Variants in ZNF208 observed in about 807,000 individuals in gnomAD.
ZNF208 encodes the protein zinc finger protein 208, also known as zinc finger protein 95.
Under a neutral mutation model 12.1 loss-of-function variants are expected in ZNF208, and 10 were observed. The observed-to-expected ratio is 0.83, with a 90% CI of 0.51 to 1.40. The LOEUF is 1.40. Among genes scored for constraint, ZNF208 ranks in the 40% most tolerant of loss-of-function variants. The pLI, the probability that ZNF208 is intolerant of heterozygous loss-of-function variation, is 0.00. For synonymous variants in ZNF208, 497 were observed against 488.4 expected (o/e 1.02, Z -0.23); for missense variants, 1,652 against 1,485.0 (o/e 1.11, Z -1.85).
intron 4 of ZNF208, among the ~76,000 whole-genome samples, chr19:21,960,334 A>AAC (rs1834077438): frequency 6.6e-6 from 1 of 152,152 alleles, no homozygotes; most frequent in Non-Finnish European, 1.5e-5. Context: ...AAAGGTATCT[A>AAC]AGTCATAATT....
At chr19:22,003,220 G>A (rs1409520894) in intron 1 of ZNF208, among the ~76,000 whole-genome samples, 1 of 151,978 alleles carries the variant, frequency 6.6e-6, no homozygotes, top group South Asian at 2.1e-4. Context: ...ATCTTAAAAA[G>A]GATATATTTT....
intron 4 of ZNF208, among the ~76,000 whole-genome samples, chr19:21,950,042 G>T (rs1482492531): frequency 6.6e-6 from 1 of 152,176 alleles, no homozygotes; most frequent in Non-Finnish European, 1.5e-5. Context: ...TTGTAAACAG[G>T]TAGTTGTGTA....
chr19:21,954,139 C>T (rs1471303899), intron 4 of ZNF208, among the ~76,000 whole-genome samples: 2 of 152,124 alleles, frequency 1.3e-5, no homozygotes, highest in African/African-American at 4.8e-5. Context: ...ATGTAGTTAG[C>T]AGTTTTGAGT....
chr19:21,978,260 A>T (rs1479821077), intron 3 of ZNF208, among the ~76,000 whole-genome samples: 3 of 152,144 alleles, frequency 2.0e-5, no homozygotes, highest in Non-Finnish European at 2.9e-5. Context: ...GGTCCCTGAC[A>T]CCCGTGTCTC....
At chr19:21,960,604 A>G (rs1033222720) in intron 4 of ZNF208, among the ~76,000 whole-genome samples, 1 of 152,150 alleles carries the variant, frequency 6.6e-6, no homozygotes, top group Non-Finnish European at 1.5e-5. Context: ...CTGAAGTTTG[A>G]GCGTCACTGG....
intron 1 of ZNF208, among the ~76,000 whole-genome samples, chr19:21,991,031 T>G (rs1970724401): frequency 6.6e-6 from 1 of 152,224 alleles, no homozygotes; most frequent in Non-Finnish European, 1.5e-5. Flanking sequence ...TTTCTAGATA[T>G]ACAATCATGT....
chr19:21,964,127 C>T (rs1286753677), downstream of ZNF208, among the ~76,000 whole-genome samples: 1 of 151,738 alleles, frequency 6.6e-6, no homozygotes, highest in South Asian at 2.1e-4. Flanking sequence ...ATTTACCAAT[C>T]AAAAATACTA....
chr19:21,970,744 T>C lies in ZNF208; in HGVS notation c.*447A>G, dbSNP rs778893069. 39 of 1,328,512 alleles carry C rather than the reference T, an allele frequency of 2.9e-5. No individual in the cohort carries two copies. Among genetic ancestry groups the C allele is most frequent in the East Asian group, 7.1e-5 (3 of 42,508 alleles). The allele number at this position is 1,328,512 out of a possible 1,614,324, so 82.3% of individuals were successfully genotyped here. On this transcript the variant is annotated 3_prime_UTR_variant, in exon 4 of 4. Transcript: ENST00000397126. ...ATGTGTAGGAGGGTTGGGAACTGTT[T>C]AAAAGCTTTGCCAAATTCTTCACAT... is the stretch of plus-strand genomic sequence containing the variant.
Position 21,973,106 on chromosome 19 carries a change from C to A in ZNF208, c.1928G>T (p.Gly643Val). The A allele has an allele frequency of 6.2e-7, 1 of 1,613,330 alleles. No homozygotes were observed. Among genetic ancestry groups the A allele is most frequent in the Non-Finnish European group, 8.5e-7 (1 of 1,179,654 alleles). Residue 643 changes from glycine (G) to valine (V), a missense_variant, in exon 4 of 4, where the codon GGC (glycine) becomes GTC (valine). Transcript: ENST00000397126. ...GGTTGAGACCTTAATAAAGGTTTTG[C>A]CACATTCTTTACATTTGTAGGGCTT... is the stretch of plus-strand genomic sequence containing the variant. ...GEKPYKCKEC[G>V]KTFIKVSTLT...
intron 1 of ZNF208, among the ~76,000 whole-genome samples, chr19:22,006,524 C>T (rs1971046862): frequency 6.6e-6 from 1 of 152,128 alleles, no homozygotes; most frequent in Non-Finnish European, 1.5e-5. Context: ...TCTATCTTAA[C>T]CTTAACTGCA....
chr19:21,940,333 T>G (rs768597833), intron 4 of ZNF208: 1 of 152,168 alleles, frequency 6.6e-6, no homozygotes, highest in Non-Finnish European at 1.5e-5. Context: ...GAATCAAATC[T>G]AAGGTAATAA....
At chr19:21,953,039 T>C (rs1358976046) in intron 4 of ZNF208, among the ~76,000 whole-genome samples, 1 of 152,130 alleles carries the variant, frequency 6.6e-6, no homozygotes, top group Non-Finnish European at 1.5e-5. Flanking sequence ...CAATAGCCAA[T>C]TCAGTTAAGC....
At position 21,972,852 on chromosome 19, in the gene ZNF208, T is replaced by G; in HGVS notation, c.2182A>C (p.Lys728Gln). ...EKPYKCEECG[K>Q]SFSTFSVLTK... is the part of the protein sequence containing the mutation. ...AGGACTGAGAATGTACTAAAGCTTT[T>G]GCCACATTCTTCACATTTGTAGGGT... Residue 728 changes from lysine (K) to glutamine (Q), a missense_variant, in exon 4 of 4, where the codon AAA (lysine) becomes CAA (glutamine). By Grantham distance (53) the Lys-to-Gln change is moderately conservative. Coordinates refer to ENST00000397126, the MANE Select transcript of ZNF208 (RefSeq NM_007153.3). 1.2e-6 allele frequency: 2 copies of G among 1,613,098 alleles called. No homozygotes were observed. The highest frequency in any genetic ancestry group is 1.3e-5 in the African/African-American group (1 of 75,016).
downstream of ZNF208, among the ~76,000 whole-genome samples, chr19:21,965,538 A>G (rs59324332): frequency 0.052 from 7,911 of 152,136 alleles, 692 homozygotes; most frequent in African/African-American, 0.18. Context: ...AATAAAGAAA[A>G]GAATTTCACA....
intron 4 of ZNF208, among the ~76,000 whole-genome samples, chr19:21,949,965 T>C (rs1035506165): frequency 6.6e-6 from 1 of 152,212 alleles, no homozygotes; most frequent in Admixed American, 6.5e-5. Flanking sequence ...TGCAGTCTGG[T>C]TAAAAACCTG....
At chr19:22,010,655 G>C in intron 1 of ZNF208, 137 bp downstream of exon 1, 1 of 1,339,878 alleles carries the variant, frequency 7.5e-7, no homozygotes, top group South Asian at 1.2e-5. Context: ...GAACCGGACT[G>C]AGGTCGAGCT....
At position 21,972,254 on chromosome 19, in the gene ZNF208, C is replaced by T; in HGVS notation, c.2780G>A (p.Ser927Asn). The change falls in exon 4 of 4, where the codon AGC becomes AAC. Residue 927 changes from serine (S) to asparagine (N), a missense_variant. By Grantham distance (46) the Ser-to-Asn change is conservative. This residue lies in a region of ZNF208 where 1,239 missense variants were observed against 1,086.2 expected (regional missense o/e 1.14). Transcript: ENST00000397126. ...YKCEECGKAF[S>N]WLSVFSKHKK... ...ATGTTTACTAAAGACTGACAACCAG[C>T]TGAAGGCTTTGCCACATTCTTCACA... The T allele has an allele frequency of 6.2e-7, 1 of 1,611,880 alleles. No individual in the cohort carries two copies. The highest frequency in any genetic ancestry group is 8.5e-7 in the Non-Finnish European group (1 of 1,179,430).
intron 1 of ZNF208, among the ~76,000 whole-genome samples, chr19:21,990,943 G>C (rs1457818106): frequency 6.6e-6 from 1 of 152,130 alleles, no homozygotes; most frequent in Non-Finnish European, 1.5e-5. Flanking sequence ...TGTGATTTTT[G>C]TACATTGATT....
intron 3 of ZNF208, among the ~76,000 whole-genome samples, chr19:21,979,701 T>A (rs1970500381): frequency 6.6e-6 from 1 of 152,132 alleles, no homozygotes; most frequent in Admixed American, 6.5e-5. Context: ...GCTAGCGTCA[T>A]AATGACAGGA....
Sources: allele counts gnomAD v4.1 joint callset (sites outside exome capture counted in the v4.1 genomes callset), GRCh38; gene constraint gnomAD v4.1.1; regional missense constraint gnomAD v4.1.1; transcripts MANE v1.5; gene names NCBI Gene and HGNC (gene_info 2026-07-23, HGNC 2026-07-21).